RASGEF1B: variants seen among roughly 807,000 people sequenced by gnomAD.
The protein encoded by RASGEF1B is ras-GEF domain-containing family member 1B.
A neutral mutation model predicts 65.7 loss-of-function variants in RASGEF1B; 30 were observed. That is an observed-to-expected ratio of 0.46 (90% confidence interval 0.34 to 0.62). The LOEUF is 0.62. Among genes scored for constraint, RASGEF1B ranks in the 20% least tolerant of loss-of-function variants. RASGEF1B has a pLI of 0.01. For synonymous variants in RASGEF1B, 175 were observed against 194.8 expected, an observed-to-expected ratio of 0.90 and a Z score of 0.85; for missense variants, 495 against 580.1, an observed-to-expected ratio of 0.85 and a Z score of 1.51.
At position 81,429,730 on chromosome 4, in the gene RASGEF1B, G is replaced by A. The variant is rs142881908; in HGVS notation, c.1398-1938C>T. Among the ~76,000 whole-genome samples, 641 of 152,350 alleles carry A rather than the reference G, an allele frequency of 4.2e-3. 4 individuals carry two copies. The highest frequency in any genetic ancestry group is 7.5e-3 in the Non-Finnish European group (511 of 68,036). ...GAGCACACTGGTAGAAGGGCACGCC[G>A]GCAGGGCACACCGAAAGATGCCAGC... On this transcript the variant is annotated intron_variant, in intron 13 of 13. Transcript: ENST00000264400.
intron 1 of RASGEF1B, among the ~76,000 whole-genome samples, chr4:81,461,382 C>T (rs1479882662): frequency 6.6e-6 from 1 of 152,230 alleles, no homozygotes; most frequent in Non-Finnish European, 1.5e-5. Context: ...TTTATAACCA[C>T]AGTGTCCTTC....
intron 4 of RASGEF1B, among the ~76,000 whole-genome samples, chr4:81,449,990 C>T (rs1283630939): frequency 6.6e-6 from 1 of 152,104 alleles, no homozygotes; most frequent in African/African-American, 2.4e-5. Flanking sequence ...ATGGATCACC[C>T]TAAAATCACT....
At chr4:81,447,880 G>A (rs965839649) in intron 5 of RASGEF1B, among the ~76,000 whole-genome samples, 189 bp downstream of exon 5, 24 of 152,108 alleles carry the variant, frequency 1.6e-4, no homozygotes, top group African/African-American at 5.3e-4. Flanking sequence ...ATTTACAAGT[G>A]AATCCCCAGA....
intron 8 of RASGEF1B, among the ~76,000 whole-genome samples, chr4:81,443,982 A>G (rs1721935629): frequency 6.6e-6 from 1 of 152,210 alleles, no homozygotes; most frequent in Non-Finnish European, 1.5e-5. Flanking sequence ...AGTGTATGCA[A>G]TGGTATTAAT....
At chr4:81,461,965 ACTCAGATTT>A (rs1422869699) in intron 1 of RASGEF1B, among the ~76,000 whole-genome samples, 2 of 152,200 alleles carry the variant, frequency 1.3e-5, no homozygotes, top group Non-Finnish European at 2.9e-5. Flanking sequence ...GTCATGGGTC[ACTCAGATTT>A]TGTTTTCAAG....
intron 2 of RASGEF1B, among the ~76,000 whole-genome samples, chr4:81,458,667 T>A (rs938260926): frequency 1.3e-5 from 2 of 152,184 alleles, no homozygotes; most frequent in Non-Finnish European, 2.9e-5. Context: ...AAAAAGTCAC[T>A]TGTCCCAGAA....
chr4:81,451,777 A>AATATTTATT (rs1305897425), intron 4 of RASGEF1B: 2 of 152,250 alleles, frequency 1.3e-5, no homozygotes, highest in African/African-American at 2.4e-5. Context: ...CTCATTTAAA[A>AATATTTATT]ATATTTATTA....
chr4:81,463,017 A>T (rs576272686), intron 1 of RASGEF1B, among the ~76,000 whole-genome samples: 10 of 152,060 alleles, frequency 6.6e-5, no homozygotes, highest in Non-Finnish European at 1.3e-4. Flanking sequence ...AGGTCTTCAG[A>T]CTCCAGGTTC....
chr4:81,440,809 G>A, intron 10 of RASGEF1B, 25 bp downstream of exon 10: 1 of 1,472,402 alleles, frequency 6.8e-7, no homozygotes, highest in Non-Finnish European at 9.4e-7. Context: ...TCTACCATAA[G>A]AAAGATACTT....
intron 6 of RASGEF1B, among the ~76,000 whole-genome samples, chr4:81,446,831 G>A (rs1229336894): frequency 6.6e-6 from 1 of 152,174 alleles, no homozygotes; most frequent in Non-Finnish European, 1.5e-5. Flanking sequence ...TTCACTTCCT[G>A]TATTAGGAGA....
At chr4:81,442,438 G>C (rs746643039) in intron 8 of RASGEF1B, 62 bp from the exon 9 acceptor site, 2 of 911,250 alleles carry the variant, frequency 2.2e-6, no homozygotes, top group Non-Finnish European at 3.7e-6. Context: ...TAAGAAAAAC[G>C]ATAAACACAT....
At chr4:81,466,155 C>T (rs1041356079) in intron 1 of RASGEF1B, among the ~76,000 whole-genome samples, 3 of 152,016 alleles carry the variant, frequency 2.0e-5, no homozygotes, top group African/African-American at 7.2e-5. Context: ...ATTTAATATC[C>T]CGGAATTACT....
At chr4:81,467,630 A>G (rs1010224278) in intron 1 of RASGEF1B, among the ~76,000 whole-genome samples, 4 of 152,208 alleles carry the variant, frequency 2.6e-5, no homozygotes, top group Non-Finnish European at 2.9e-5. Flanking sequence ...TAGCAGTAAC[A>G]GTGCTGGTTT....
chr4:81,450,585 A>T (rs1162714928), intron 4 of RASGEF1B, among the ~76,000 whole-genome samples: 1 of 151,882 alleles, frequency 6.6e-6, no homozygotes, highest in Non-Finnish European at 1.5e-5. Context: ...TTTTTGTTTT[A>T]GTAGAGATGG....
chr4:81,451,054 A>G (rs1268273369), intron 4 of RASGEF1B: 1 of 152,200 alleles, frequency 6.6e-6, no homozygotes, highest in African/African-American at 2.4e-5. Context: ...TACAGCATAT[A>G]CTATCCAGGG....
intron 13 of RASGEF1B, among the ~76,000 whole-genome samples, chr4:81,428,897 C>A (rs545588493): frequency 3.9e-4 from 60 of 152,338 alleles, no homozygotes; most frequent in Non-Finnish European, 7.4e-4. Flanking sequence ...ATCCACTTAA[C>A]GTATGTATTT....
At chr4:81,453,019 A>AG (rs1452856809) in intron 4 of RASGEF1B, 1 of 152,044 alleles carries the variant, frequency 6.6e-6, no homozygotes, top group African/African-American at 2.4e-5. Flanking sequence ...AAAAAAAAAA[A>AG]AGTCCCAGGC....
chr4:81,445,692 G>C (rs1280125775), intron 7 of RASGEF1B, 51 bp downstream of exon 7: 2 of 1,583,184 alleles, frequency 1.3e-6, no homozygotes, highest in Non-Finnish European at 1.7e-6. Flanking sequence ...TCTAAAATAA[G>C]TATGAAAAAA....
intron 1 of RASGEF1B, among the ~76,000 whole-genome samples, chr4:81,466,819 A>AAAGAAAGAAAGG: frequency 6.7e-6 from 1 of 150,226 alleles, no homozygotes; most frequent in Admixed American, 6.6e-5. Context: ...AGAAAGAAAG[A>AAAGAAAGAAAGG]AAGAAAATTT....
Sources: allele counts gnomAD v4.1 joint callset (sites outside exome capture counted in the v4.1 genomes callset), GRCh38; gene constraint gnomAD v4.1.1; transcripts MANE v1.5; gene names NCBI Gene and HGNC (gene_info 2026-07-23, HGNC 2026-07-21).